Variants in CORO7 observed in about 807,000 individuals in gnomAD.
CORO7 encodes the protein coronin-7.
A neutral mutation model predicts 126.6 loss-of-function variants in CORO7; 107 were observed. That is an observed-to-expected ratio of 0.85 (90% confidence interval 0.72 to 0.99). The LOEUF (loss-of-function observed/expected upper bound fraction) is 0.99. Among genes scored for constraint, CORO7 ranks in the 50% least tolerant of loss-of-function variants. The pLI is 0.00. For missense variants in CORO7, 1,314 were observed against 1,255.8 expected (o/e 1.05, Z -0.70); for synonymous variants, 603 against 536.8 (o/e 1.12, Z -1.70).
chr16:4,357,989 G>A lies in CORO7; in HGVS notation c.2572C>T (p.Gln858Ter), dbSNP rs1420916107. 2 of 1,608,968 alleles carry A rather than the reference G, an allele frequency of 1.2e-6. No homozygotes were observed. The highest frequency in any genetic ancestry group is 1.1e-5 in the South Asian group (1 of 90,952). The part of the protein sequence containing the change: ...ANGQPWLLSL[Q>*]PPDMSPVSQA... ...GCACCTGGGCTCATGTCAGGAGGCT[G>A]CAGGCTGAGAAGCCAGGGCTGCCCA... Residue 858 changes from glutamine to a stop codon, truncating the protein, a stop_gained, in exon 25 of 28, where the codon CAG becomes TAG. Coordinates refer to ENST00000251166, the MANE Select transcript of CORO7 (RefSeq NM_024535.5). LOFTEE classifies it high-confidence loss of function.
rs570000167 is a variant in CORO7, at chr16:4,364,870, G to A, written c.949C>T (p.Arg317Trp). ...CAGCTCATGACGGCCAGCGCCTGCCGGGGCACAAGGGCAGCCCCACGCAGC... is the reference window on the plus strand; with the variant it reads ...CAGCTCATGACGGCCAGCGCCTGCCAGGGCACAAGGGCAGCCCCACGCAGC... ...SVLRGAALVP[R>W]QALAVMSCEV... is the part of the protein sequence containing the mutation. Residue 317 changes from arginine (R) to tryptophan (W), a missense_variant, in exon 12 of 28, where the codon CGG (arginine) becomes TGG (tryptophan). Physicochemically the swap from Arg to Trp is moderately radical, Grantham distance 101 (BLOSUM62 -3). Transcript: ENST00000251166. 22 of 1,611,832 alleles carry A rather than the reference G, an allele frequency of 1.4e-5. No homozygotes were observed. The highest frequency in any genetic ancestry group is 2.7e-5 in the African/African-American group (2 of 75,030).
chr16:4,365,432 A>C, intron 10 of CORO7, 59 bp downstream of exon 10: 1 of 1,548,754 alleles, frequency 6.5e-7, no homozygotes, highest in East Asian at 2.4e-5. Flanking sequence ...CTCTTGGGGA[A>C]GGCCAGGGGC....
chr16:4,369,366 A>C (rs2054446941), intron 9 of CORO7, among the ~76,000 whole-genome samples: 1 of 152,254 alleles, frequency 6.6e-6, no homozygotes, highest in Admixed American at 6.5e-5. Flanking sequence ...CATGAGCCCC[A>C]GCCAGGCAGA....
In CORO7 at chr16:4,407,595, T is replaced by G. The variant is rs1264124435; in HGVS notation, c.393A>C (p.Val131=). The part of the protein sequence containing the change: ...VLGPEDLPVE[V]LQFHPTSDGI... Reference sequence around the variant, plus strand: ...CGTCAGAGGTGGGGTGGAACTGCAGTACCTCCACTGGGAGGTCCTCGGGGC... The same window carrying G: ...CGTCAGAGGTGGGGTGGAACTGCAGGACCTCCACTGGGAGGTCCTCGGGGC... Residue 131 remains valine (V), a synonymous_variant, in exon 5 of 28, where the codon GTA becomes GTC. Transcript: ENST00000251166. 1.9e-6 allele frequency: 3 copies of G among 1,594,426 alleles called. No individual in the cohort carries two copies. Among genetic ancestry groups the G allele is most frequent in the Non-Finnish European group, 2.6e-6 (3 of 1,170,458 alleles).
intron 9 of CORO7, chr16:4,382,094 C>T (rs773567918): frequency 6.3e-7 from 1 of 1,583,358 alleles, no homozygotes; most frequent in South Asian, 1.1e-5. Context: ...GTCCCCCAGC[C>T]CCAGGACTGC....
chr16:4,381,138 G>C (rs776162237), intron 9 of CORO7: 2 of 1,610,488 alleles, frequency 1.2e-6, no homozygotes, highest in Non-Finnish European at 1.7e-6. Flanking sequence ...CACAGAACCA[G>C]ATCGCCAGCC....
intron 7 of CORO7, among the ~76,000 whole-genome samples, chr16:4,392,244 G>A (rs1446967929): frequency 6.6e-6 from 1 of 152,150 alleles, no homozygotes; most frequent in Non-Finnish European, 1.5e-5. Flanking sequence ...CAGCTGGGCC[G>A]GTTGTAAAGG....
At chr16:4,373,472 C>T (rs998073455) in intron 9 of CORO7, among the ~76,000 whole-genome samples, 2 of 152,120 alleles carry the variant, frequency 1.3e-5, no homozygotes, top group Non-Finnish European at 1.5e-5. Flanking sequence ...CAGATGGCAC[C>T]TCTCTCTCCA....
chr16:4,362,816 G>A lies in CORO7; in HGVS notation c.1276-78C>T. ...GGAGGGGGTGCCAGCGGACTCCAGG[G>A]TCACCACTCTGGGCCCCCTGCGGAC... On this transcript the variant is annotated intron_variant, in intron 14 of 27. Coordinates refer to ENST00000251166, the MANE Select transcript of CORO7 (RefSeq NM_024535.5). This position sits in a 1 kb window ranked among gnomAD's most constrained non-coding sequence, Gnocchi z 5.3. 1.6e-6 allele frequency: 2 copies of A among 1,269,880 alleles called. No individual in the cohort carries two copies. Among genetic ancestry groups the A allele is most frequent in the Non-Finnish European group, 2.0e-6 (2 of 1,005,962 alleles). 78.7% of individuals were successfully genotyped at this position (1,269,880 alleles called of 1,614,324 possible).
chr16:4,404,160 C>G (rs2055911170), intron 6 of CORO7, among the ~76,000 whole-genome samples: 1 of 152,204 alleles, frequency 6.6e-6, no homozygotes, highest in African/African-American at 2.4e-5. Context: ...ATGCAGAGCC[C>G]TGGGGCGGAA....
chr16:4,386,342 G>A (rs531432424), intron 9 of CORO7, among the ~76,000 whole-genome samples: 19 of 152,220 alleles, frequency 1.2e-4, no homozygotes, highest in Non-Finnish European at 2.5e-4. Context: ...GGCAGGAGAC[G>A]CTTTCAGGGG....
chr16:4,365,101 C>A (rs770528738), intron 10 of CORO7, 41 bp from the exon 11 acceptor site: 2 of 1,565,944 alleles, frequency 1.3e-6, no homozygotes, highest in East Asian at 2.4e-5. Context: ...CTGACTGAAC[C>A]CCTGGGGAGG....
chr16:4,360,414 G>C, intron 20 of CORO7, 30 bp downstream of exon 20: 1 of 1,613,124 alleles, frequency 6.2e-7, no homozygotes, highest in Non-Finnish European at 8.5e-7. Flanking sequence ...AACCAGGTCT[G>C]AGGCCACTCC....
intron 9 of CORO7, chr16:4,383,048 C>T: frequency 1.1e-6 from 1 of 878,692 alleles, no homozygotes; most frequent in Non-Finnish European, 1.7e-6. Flanking sequence ...CCTGTTCCCT[C>T]TGGACCTCGG....
intron 3 of CORO7, among the ~76,000 whole-genome samples, chr16:4,410,237 C>T (rs2056152678): frequency 6.6e-6 from 1 of 152,114 alleles, no homozygotes; most frequent in Non-Finnish European, 1.5e-5. Flanking sequence ...CCAGCCTGGG[C>T]AACACAGCAA....
At chr16:4,411,670 CGA>C (rs1243987925) in intron 3 of CORO7, among the ~76,000 whole-genome samples, 2 of 152,096 alleles carry the variant, frequency 1.3e-5, no homozygotes, top group Admixed American at 1.3e-4. Context: ...AACCCCTCCA[CGA>C]CCCTGCACAC....
intron 9 of CORO7, chr16:4,383,025 A>T: frequency 1.9e-6 from 2 of 1,071,050 alleles, no homozygotes; most frequent in Non-Finnish European, 2.6e-6. Context: ...GGGCTGTGTG[A>T]CCACAGCTGG....
intron 9 of CORO7, chr16:4,382,738 C>T (rs1444242442): frequency 1.9e-6 from 3 of 1,554,814 alleles, no homozygotes; most frequent in Middle Eastern, 3.4e-4. Context: ...AGGGGCTGGG[C>T]CCCTGGAACT....
intron 7 of CORO7, among the ~76,000 whole-genome samples, chr16:4,388,920 T>G (rs1408965669): frequency 6.6e-6 from 1 of 152,106 alleles, no homozygotes; most frequent in Non-Finnish European, 1.5e-5. Context: ...GCTGCCTCAC[T>G]CCCCAGCTCC....
Sources: gnomAD v4.1 joint callset for allele counts (sites outside exome capture counted in the v4.1 genomes callset) on GRCh38, gnomAD v4.1.1 for gene constraint, Gnocchi (gnomAD v3.1) non-coding constraint, MANE v1.5 for transcripts, NCBI Gene and HGNC (gene_info 2026-07-23, HGNC 2026-07-21) for gene names.